The following BLTP1 variants were observed in gnomAD, a reference collection of about 807,000 sequenced individuals.
BLTP1 encodes the protein bridge-like lipid transfer protein family member 1.
At chr4:122,321,736 C>T in the BLTP1 span, among the ~76,000 whole-genome samples, 1 of 151,732 alleles carries the variant, frequency 6.6e-6, no homozygotes, top group Non-Finnish European at 1.5e-5. Context: ...TTTAACATTG[C>T]TTGCAAGGCA....
the BLTP1 span, chr4:122,174,346 C>G: frequency 5.1e-6 from 5 of 983,606 alleles, no homozygotes; most frequent in Non-Finnish European, 6.0e-6. Flanking sequence ...AACTAATATC[C>G]TCTTCAGGTT....
chr4:122,319,539 ATT>A, the BLTP1 span, among the ~76,000 whole-genome samples: 33,265 of 131,144 alleles, frequency 0.25, 4,038 homozygotes, highest in Middle Eastern at 0.46. Flanking sequence ...ATGATTTATA[ATT>A]TTTTTTTTTT....
chr4:122,242,216 A>C, the BLTP1 span, among the ~76,000 whole-genome samples: 1 of 152,214 alleles, frequency 6.6e-6, no homozygotes, highest in African/African-American at 2.4e-5. Context: ...AATATATGGG[A>C]TCAACCTAAA....
chr4:122,318,249 A>G, the BLTP1 span: 2 of 1,610,566 alleles, frequency 1.2e-6, no homozygotes, highest in Non-Finnish European at 1.7e-6. Flanking sequence ...TTCGTAAAAA[A>G]TTACGGAGGT....
chr4:122,305,782 A>G, the BLTP1 span: 1 of 1,367,236 alleles, frequency 7.3e-7, no homozygotes, highest in Non-Finnish European at 9.6e-7. Flanking sequence ...AATGTATTAT[A>G]GTTTTTTTGG....
the BLTP1 span, chr4:122,188,034 A>T: frequency 6.3e-7 from 1 of 1,585,736 alleles, no homozygotes; most frequent in Non-Finnish European, 8.6e-7. Context: ...AAGCTTGAAA[A>T]TGTTCGAGTC....
At chr4:122,339,066 A>G in the BLTP1 span, 13 of 885,992 alleles carry the variant, frequency 1.5e-5, no homozygotes, top group East Asian at 5.4e-5. Context: ...TGGTTTATGT[A>G]TGAGTTCAGG....
the BLTP1 span, chr4:122,237,168 G>GT: frequency 0.029 from 28,565 of 985,216 alleles, 440 homozygotes; most frequent in Non-Finnish European, 0.033. Flanking sequence ...TCACAGAGAT[G>GT]TTTTTTTCCA....
the BLTP1 span, chr4:122,246,269 G>A: frequency 2.7e-5 from 43 of 1,601,058 alleles, no homozygotes; most frequent in Non-Finnish European, 3.7e-5. Flanking sequence ...AACAATTAAA[G>A]GTCTTCAGAC....
the BLTP1 span, chr4:122,307,933 T>G: frequency 9.6e-4 from 1,554 of 1,610,550 alleles, 20 homozygotes; most frequent in African/African-American, 0.018. Context: ...TTCTGCCCTG[T>G]CTTAATTATC....
the BLTP1 span, among the ~76,000 whole-genome samples, chr4:122,231,405 T>A: frequency 6.6e-6 from 1 of 152,214 alleles, no homozygotes; most frequent in East Asian, 1.9e-4. Context: ...GTTAGCTGTT[T>A]CGATTTCTTC....
chr4:122,183,130 G>C, the BLTP1 span: 2 of 596,008 alleles, frequency 3.4e-6, no homozygotes, highest in Non-Finnish European at 2.1e-6. Context: ...GAGCCCAGAA[G>C]TTTGAGACCA....
At chr4:122,174,142 GC>G in the BLTP1 span, 3 of 947,258 alleles carry the variant, frequency 3.2e-6, no homozygotes, top group African/African-American at 3.5e-5. Flanking sequence ...ATTCTAACCT[GC>G]CTTATAATTG....
the BLTP1 span, chr4:122,270,432 T>G: frequency 1.3e-6 from 1 of 793,230 alleles, no homozygotes; most frequent in Non-Finnish European, 1.5e-6. Context: ...ACTTTCTATA[T>G]TAAAATTTAC....
chr4:122,288,324 G>A, the BLTP1 span, among the ~76,000 whole-genome samples: 1 of 152,026 alleles, frequency 6.6e-6, no homozygotes, highest in Admixed American at 6.5e-5. Context: ...ATTCATAGCT[G>A]CATCCTTAGC....
the BLTP1 span, chr4:122,243,082 T>C: frequency 6.2e-7 from 1 of 1,610,578 alleles, no homozygotes; most frequent in Non-Finnish European, 8.5e-7. Context: ...AGTAAAAATA[T>C]CATGCTTTTA....
chr4:122,193,663 T>C, the BLTP1 span: 2 of 885,568 alleles, frequency 2.3e-6, no homozygotes, highest in East Asian at 2.4e-4. Flanking sequence ...TTAGTTAAAT[T>C]AGTTTAGTTT....
the BLTP1 span, chr4:122,266,960 T>G: frequency 6.6e-7 from 1 of 1,522,606 alleles, no homozygotes; most frequent in Non-Finnish European, 8.9e-7. Flanking sequence ...AGCAAGAAGG[T>G]GTCTTTTGCA....
the BLTP1 span, chr4:122,152,346 C>T: frequency 1.0e-6 from 1 of 985,370 alleles, no homozygotes; most frequent in Non-Finnish European, 1.2e-6. Flanking sequence ...GCCGCCCGGC[C>T]TCGGTTGGGA....
Sources: gnomAD v4.1 joint callset for allele counts (sites outside exome capture counted in the v4.1 genomes callset) on GRCh38, gnomAD v4.1.1 for gene constraint, MANE v1.5 for transcripts, NCBI Gene and HGNC (gene_info 2026-07-23, HGNC 2026-07-21) for gene names.